CSMD1: variants seen among roughly 807,000 people sequenced by gnomAD.
CSMD1 encodes CUB and Sushi multiple domains 1.
CSMD1 carries 213 observed loss-of-function variants against 417.5 expected under a neutral mutation model. That is an observed-to-expected ratio of 0.51 (90% CI 0.46 to 0.57). The LOEUF is 0.57. Ranked by LOEUF, CSMD1 falls within the 20% of genes least tolerant of loss-of-function variation. CSMD1 has a pLI of 0.00. For synonymous variants in CSMD1, 2,862 were observed against 1,736.8 expected, an observed-to-expected ratio of 1.65 and a Z score of -16.11; for missense variants, 6,923 against 4,529.7, an observed-to-expected ratio of 1.53 and a Z score of -15.17.
At chr8:4,289,663 A>T (rs1046998566) in intron 3 of CSMD1, among the ~76,000 whole-genome samples, 8 of 152,160 alleles carry the variant, frequency 5.3e-5, no homozygotes, top group African/African-American at 1.9e-4. Flanking sequence ...GGTCCTGAGT[A>T]ACATGTGCTC....
At chr8:4,671,691 T>G (rs1411941357) in intron 1 of CSMD1, among the ~76,000 whole-genome samples, 1 of 152,196 alleles carries the variant, frequency 6.6e-6, no homozygotes, top group Non-Finnish European at 1.5e-5. Context: ...GATTTATTTT[T>G]TCTTACCTCA....
At chr8:3,937,777 T>C (rs1034574071) in intron 5 of CSMD1, among the ~76,000 whole-genome samples, 3 of 152,154 alleles carry the variant, frequency 2.0e-5, no homozygotes, top group African/African-American at 7.2e-5. Context: ...TTTTCTGTCA[T>C]GAGAGCCTCA....
intron 2 of CSMD1, among the ~76,000 whole-genome samples, chr8:4,510,417 A>AAAAAAAAAAAAAAAAAG (rs1802757327): frequency 9.1e-6 from 1 of 110,088 alleles, no homozygotes; most frequent in African/African-American, 3.2e-5. Context: ...AAAAAAAAAA[A>AAAAAAAAAAAAAAAAAG]AAAAAGCAAA....
At chr8:3,987,399 T>C (rs1240799628) in intron 5 of CSMD1, among the ~76,000 whole-genome samples, 1 of 152,240 alleles carries the variant, frequency 6.6e-6, no homozygotes, top group African/African-American at 2.4e-5. Flanking sequence ...TAACGACTAA[T>C]GGATACAGGG....
At chr8:3,889,323 G>A (rs779849532) in intron 5 of CSMD1, among the ~76,000 whole-genome samples, 8 of 151,000 alleles carry the variant, frequency 5.3e-5, no homozygotes, top group Non-Finnish European at 1.2e-4. Context: ...AAGAAGAGAC[G>A]ATAATCTGCC....
At chr8:4,049,222 T>C (rs946830772) in intron 3 of CSMD1, among the ~76,000 whole-genome samples, 2 of 152,130 alleles carry the variant, frequency 1.3e-5, no homozygotes, top group African/African-American at 2.4e-5. Context: ...TGATACCATA[T>C]GTAGACTTCT....
chr8:4,484,614 G>A (rs1451039397), intron 2 of CSMD1, among the ~76,000 whole-genome samples: 1 of 152,024 alleles, frequency 6.6e-6, no homozygotes, highest in Non-Finnish European at 1.5e-5. Flanking sequence ...GACGTGACCT[G>A]CTCTATGAGA....
At position 4,761,865 on chromosome 8, in the gene CSMD1, AT is replaced by A. The variant is rs1393954942; in HGVS notation, c.86-124308del. Reference sequence around the variant, plus strand: ...TATCTATCTATCTATCTATCTATCTATCTATCTATCTATCTATCTATCTACC... The same window carrying A: ...TATCTATCTATCTATCTATCTATCTACTATCTATCTATCTATCTATCTACC... On this transcript the variant is annotated intron_variant, in intron 1 of 69. Coordinates refer to ENST00000635120, the MANE Select transcript of CSMD1 (RefSeq NM_033225.6). Among the ~76,000 whole-genome samples the A allele has an allele frequency of 9.1e-3, 790 of 86,904 alleles. 3 individuals are homozygous for A. Among genetic ancestry groups the A allele is most frequent in the Admixed American group, 0.018 (111 of 6,140 alleles). The allele number at this position is 86,904 out of a possible 152,430, so 57.0% of individuals were successfully genotyped here.
chr8:3,077,709 T>C (rs1471924076), intron 49 of CSMD1, among the ~76,000 whole-genome samples: 1 of 152,236 alleles, frequency 6.6e-6, no homozygotes, highest in Non-Finnish European at 1.5e-5. Flanking sequence ...CCGGCTTGCC[T>C]ACACATTTTC....
intron 6 of CSMD1, among the ~76,000 whole-genome samples, chr8:3,738,379 G>T (rs997859400): frequency 2.0e-5 from 3 of 152,190 alleles, no homozygotes; most frequent in Admixed American, 2.0e-4. Context: ...AACTACAATT[G>T]TACATTCTTC....
chr8:3,850,404 T>C (rs949726366), intron 5 of CSMD1, among the ~76,000 whole-genome samples: 2 of 152,212 alleles, frequency 1.3e-5, no homozygotes, highest in Admixed American at 6.5e-5. Context: ...CTCCTCAAAA[T>C]TCGCATTAAG....
chr8:4,891,751 A>T (rs147825773), intron 1 of CSMD1, among the ~76,000 whole-genome samples: 20 of 152,248 alleles, frequency 1.3e-4, no homozygotes, highest in African/African-American at 4.8e-4. Flanking sequence ...ATTATTTCCC[A>T]AAACTCCCTA....
At chr8:3,584,189 T>C (rs17066457) in intron 9 of CSMD1, among the ~76,000 whole-genome samples, 20,909 of 152,128 alleles carry the variant, frequency 0.14, 1,566 homozygotes, top group African/African-American at 0.15. Context: ...GATCAAAGTA[T>C]ATCTAACTTA....
At chr8:3,059,727 G>A (rs1349885350) in intron 49 of CSMD1, among the ~76,000 whole-genome samples, 1 of 152,124 alleles carries the variant, frequency 6.6e-6, no homozygotes, top group African/African-American at 2.4e-5. Context: ...AGAGGAGAGT[G>A]GACTGGGGGA....
chr8:4,433,035 G>T (rs947434514), intron 2 of CSMD1, among the ~76,000 whole-genome samples: 7 of 152,004 alleles, frequency 4.6e-5, no homozygotes, highest in Non-Finnish European at 8.8e-5. Flanking sequence ...CGTGAACTAC[G>T]TATATGAGGG....
At chr8:4,606,837 A>T (rs890825531) in intron 2 of CSMD1, among the ~76,000 whole-genome samples, 1 of 152,242 alleles carries the variant, frequency 6.6e-6, no homozygotes, top group African/African-American at 2.4e-5. Context: ...ATCCAGAAAT[A>T]ATATGACATT....
intron 2 of CSMD1, among the ~76,000 whole-genome samples, chr8:4,566,072 T>G (rs1290864735): frequency 2.0e-5 from 3 of 152,186 alleles, no homozygotes; most frequent in African/African-American, 7.2e-5. Flanking sequence ...ATATATTAAC[T>G]CTGTTCTTCC....
rs185898018 is a variant in CSMD1, at chr8:3,000,013, G to C, written c.8148C>G (p.Ser2716=). The change falls in exon 53 of 70, where the codon TCC becomes TCG. Residue 2716 remains serine, a synonymous_variant. Coordinates refer to ENST00000635120, the MANE Select transcript of CSMD1 (RefSeq NM_033225.6). ...CNPGFRLVGT[S]VRICLQDHKW... is the part of the protein sequence containing the mutation. ...TGTGGTCTTGCAGGCATATCCTCAC[G>C]GAAGTTCCCACAAGCCGGAAACCAG... is the stretch of plus-strand genomic sequence containing the variant. 14 of 1,607,970 alleles carry C rather than the reference G, an allele frequency of 8.7e-6. No homozygotes were observed. In the East Asian group the frequency reaches 2.7e-4, roughly 31 times the overall value.
intron 5 of CSMD1, among the ~76,000 whole-genome samples, chr8:3,801,886 T>C (rs1034952350): frequency 6.6e-6 from 1 of 152,082 alleles, no homozygotes; most frequent in African/African-American, 2.4e-5. Flanking sequence ...CCACATATTA[T>C]GAGATCTCAT....
Sources: allele counts gnomAD v4.1 joint callset (sites outside exome capture counted in the v4.1 genomes callset), GRCh38; gene constraint gnomAD v4.1.1; transcripts MANE v1.5; gene names NCBI Gene and HGNC (gene_info 2026-07-23, HGNC 2026-07-21).